USP7: variants seen among roughly 807,000 people sequenced by gnomAD.
USP7 encodes ubiquitin specific peptidase 7, also known as ubiquitin C-terminal hydrolase 7.
Under a neutral mutation model 162.9 loss-of-function variants are expected in USP7, and 9 were observed. The observed-to-expected ratio is 0.06, with a 90% CI of 0.03 to 0.10. The LOEUF (loss-of-function observed/expected upper bound fraction) is 0.10, where lower values mean the gene tolerates loss of function less well. Among genes scored for constraint, USP7 ranks in the 10% least tolerant of loss-of-function variants. The pLI is 1.00. For synonymous variants in USP7, 562 were observed against 475.9 expected (o/e 1.18, Z -2.35); for missense variants, 715 against 1,373.7 (o/e 0.52, Z 7.58).
At chr16:8,939,830 T>C (rs1466520618) in intron 1 of USP7, among the ~76,000 whole-genome samples, 1 of 152,248 alleles carries the variant, frequency 6.6e-6, no homozygotes. Context: ...CCGAGCGCAG[T>C]GGCTCACGCC....
intron 1 of USP7, among the ~76,000 whole-genome samples, chr16:8,943,831 C>A (rs1899158740): frequency 6.6e-6 from 1 of 152,218 alleles, no homozygotes; most frequent in South Asian, 2.1e-4. Flanking sequence ...GGGATAAACA[C>A]AAACAGTGCT....
intron 26 of USP7, 80 bp downstream of exon 26, chr16:8,896,919 T>C (rs2061689962): frequency 2.7e-6 from 3 of 1,093,100 alleles, no homozygotes; most frequent in Middle Eastern, 2.0e-4. Flanking sequence ...CTGGGTGATT[T>C]CCACCAACGC....
In USP7 at chr16:8,900,977, A is replaced by G. The variant is rs1384740261; in HGVS notation, c.2208+13T>C. Reference sequence around the variant, plus strand: ...AAGAATATACTAATTATGGAAAAATAAACCATCCAAACCTCATAGAGGATA... The same window carrying G: ...AAGAATATACTAATTATGGAAAAATGAACCATCCAAACCTCATAGAGGATA... On this transcript the variant is annotated intron_variant, in intron 20 of 30. Transcript: ENST00000344836. 1 of 1,611,066 alleles carries G rather than the reference A, an allele frequency of 6.2e-7. No homozygotes were observed. The highest frequency in any genetic ancestry group is 8.5e-7 in the Non-Finnish European group (1 of 1,179,128).
intron 5 of USP7, among the ~76,000 whole-genome samples, chr16:8,919,606 T>C (rs1199790871): frequency 6.6e-6 from 1 of 152,056 alleles, no homozygotes; most frequent in African/African-American, 2.4e-5. Flanking sequence ...CCAGAGCTTT[T>C]TTTATTTTGT....
rs1264971040 is a variant in USP7 at position 8,915,247 on chromosome 16, C to A, written c.1078+7G>T. ...AGATCATGCCATTAGATACACACAA[C>A]ACTTACTATTTTTCTTTCCTTTGAT... On this transcript the variant is annotated splice_region_variant and intron_variant, in intron 10 of 30. Transcript: ENST00000344836. 2 of 1,594,098 alleles carry A rather than the reference C, an allele frequency of 1.3e-6. No homozygotes were observed. Among genetic ancestry groups the A allele is most frequent in the East Asian group, 2.2e-5 (1 of 44,772 alleles).
intron 1 of USP7, among the ~76,000 whole-genome samples, chr16:8,937,818 C>A (rs1898834444): frequency 6.6e-6 from 1 of 152,190 alleles, no homozygotes; most frequent in Admixed American, 6.5e-5. Context: ...ACTTCCCACA[C>A]AGAAGCCAGG....
At chr16:8,952,970 G>A (rs566107028) in intron 1 of USP7, among the ~76,000 whole-genome samples, 11 of 152,220 alleles carry the variant, frequency 7.2e-5, no homozygotes, top group African/African-American at 2.6e-4. Context: ...CCAAGTAGCT[G>A]GGATTACAGT....
intron 2 of USP7, among the ~76,000 whole-genome samples, chr16:8,928,051 G>A (rs1032455747): frequency 4.9e-4 from 74 of 152,318 alleles, no homozygotes; most frequent in South Asian, 1.7e-3. Context: ...GGAACTAAAA[G>A]TAGAATGAGT....
chr16:8,948,358 A>AT (rs1211097861), intron 1 of USP7, among the ~76,000 whole-genome samples: 3 of 152,030 alleles, frequency 2.0e-5, no homozygotes, highest in East Asian at 1.9e-4. Flanking sequence ...AATTTTTGGC[A>AT]TTTTTTTGTA....
chr16:8,929,839 C>G (rs191153825), intron 2 of USP7, among the ~76,000 whole-genome samples: 1 of 152,228 alleles, frequency 6.6e-6, no homozygotes, highest in East Asian at 1.9e-4. Flanking sequence ...AAGGCCAAAG[C>G]TTGAATCTGA....
intron 2 of USP7, among the ~76,000 whole-genome samples, chr16:8,924,942 T>C (rs1294137063): frequency 2.0e-5 from 3 of 152,222 alleles, no homozygotes; most frequent in African/African-American, 7.2e-5. Flanking sequence ...AATTATTTAT[T>C]TGAGCCTCTT....
intron 22 of USP7, 114 bp from the exon 23 acceptor site, chr16:8,899,302 A>G: frequency 9.9e-7 from 1 of 1,013,074 alleles, no homozygotes; most frequent in Non-Finnish European, 1.5e-6. Context: ...AATTCCCTAG[A>G]AATTTATTAA....
chr16:8,954,865 C>T (rs756636137), intron 1 of USP7, among the ~76,000 whole-genome samples: 2 of 152,048 alleles, frequency 1.3e-5, no homozygotes, highest in South Asian at 2.1e-4. Flanking sequence ...GAGGCTGAGG[C>T]GGGAGAATGG....
chr16:8,912,449 CAAA>C (rs60623981), intron 10 of USP7, among the ~76,000 whole-genome samples: 4 of 122,970 alleles, frequency 3.3e-5, no homozygotes, highest in African/African-American at 6.3e-5. Context: ...GACTCCATGT[CAAA>C]AAAAAAAAAA....
intron 2 of USP7, among the ~76,000 whole-genome samples, chr16:8,924,580 A>G (rs1406597963): frequency 6.6e-6 from 1 of 152,198 alleles, no homozygotes; most frequent in Non-Finnish European, 1.5e-5. Context: ...GTGCCTAAGA[A>G]CATCCTCCCA....
At chr16:8,944,887 C>G (rs1360395234) in intron 1 of USP7, among the ~76,000 whole-genome samples, 1 of 143,770 alleles carries the variant, frequency 7.0e-6, no homozygotes, top group East Asian at 1.9e-4. Context: ...AGGGGCAGAT[C>G]GAATGAGGTC....
At chr16:8,954,995 A>G (rs1426772803) in intron 1 of USP7, among the ~76,000 whole-genome samples, 1 of 152,192 alleles carries the variant, frequency 6.6e-6, no homozygotes, top group African/African-American at 2.4e-5. Context: ...AGTAACAGCA[A>G]TTGCTGTTTC....
chr16:8,943,446 A>G (rs535915843), intron 1 of USP7, among the ~76,000 whole-genome samples: 307 of 152,284 alleles, frequency 2.0e-3, no homozygotes, highest in Non-Finnish European at 3.4e-3. Flanking sequence ...GCACAGATGC[A>G]GTTAGGGCAA....
chr16:8,896,374 T>C (rs2061681795), intron 26 of USP7, among the ~76,000 whole-genome samples: 1 of 152,128 alleles, frequency 6.6e-6, no homozygotes, highest in East Asian at 1.9e-4. Context: ...CTTACTCTTA[T>C]TAGGTAATAG....
Sources: allele counts gnomAD v4.1 joint callset (sites outside exome capture counted in the v4.1 genomes callset), GRCh38; gene constraint gnomAD v4.1.1; transcripts MANE v1.5; gene names NCBI Gene and HGNC (gene_info 2026-07-23, HGNC 2026-07-21).